ZDHHC2: variants seen among roughly 807,000 people sequenced by gnomAD.
ZDHHC2 encodes zDHHC palmitoyltransferase 2.
In ZDHHC2, 51 loss-of-function variants were observed where a neutral mutation model predicts 55.6. The observed-to-expected ratio is 0.92, with a 90% confidence interval of 0.73 to 1.16. ZDHHC2 has a LOEUF of 1.16. Among genes scored for constraint, ZDHHC2 ranks in the 50% most tolerant of loss-of-function variants. The pLI, the probability that ZDHHC2 is intolerant of heterozygous loss-of-function variation, is 0.00. For synonymous variants in ZDHHC2, 199 were observed against 152.9 expected (o/e 1.30, Z -2.22); for missense variants, 491 against 442.4 (o/e 1.11, Z -0.99).
At chr8:17,172,423 G>A (rs1284243883) in intron 1 of ZDHHC2, among the ~76,000 whole-genome samples, 1 of 152,184 alleles carries the variant, frequency 6.6e-6, no homozygotes, top group Non-Finnish European at 1.5e-5. Context: ...GCCAGGGGCT[G>A]AAGGGAGAAG....
At chr8:17,199,505 C>CG (rs1239457312) in intron 6 of ZDHHC2, among the ~76,000 whole-genome samples, 2 of 36,830 alleles carry the variant, frequency 5.4e-5, no homozygotes, top group Non-Finnish European at 1.5e-4. Flanking sequence ...TCTTCTTCTT[C>CG]TTCTTCTTCG....
chr8:17,157,185 G>A (rs1424700358), intron 1 of ZDHHC2, among the ~76,000 whole-genome samples: 4 of 152,166 alleles, frequency 2.6e-5, no homozygotes, highest in Non-Finnish European at 5.9e-5. Flanking sequence ...GGAGAGGGGA[G>A]GCCGAGGCCG....
At chr8:17,191,387 G>T (rs1806019481) in intron 3 of ZDHHC2, among the ~76,000 whole-genome samples, 1 of 152,182 alleles carries the variant, frequency 6.6e-6, no homozygotes, top group African/African-American at 2.4e-5. Flanking sequence ...ATAAGCCACT[G>T]CGCCCAGCCT....
At position 17,194,851 on chromosome 8, in the gene ZDHHC2, C is replaced by T. The variant is rs949746883; in HGVS notation, c.253-653C>T. Among the ~76,000 whole-genome samples the T allele has an allele frequency of 3.3e-5, 5 of 151,986 alleles. No homozygotes were observed. In the South Asian group the frequency reaches 6.2e-4, roughly 19 times the overall value. ...CAATGATACTGAGATTTTTCTTGTA[C>T]ATGTCTCCTGGCGCACATTTATAGA... On this transcript the variant is annotated intron_variant, in intron 3 of 12. Coordinates refer to ENST00000262096, the MANE Select transcript of ZDHHC2 (RefSeq NM_016353.5).
intron 6 of ZDHHC2, among the ~76,000 whole-genome samples, chr8:17,202,696 A>ATTCCC: frequency 6.6e-6 from 1 of 151,102 alleles, no homozygotes; most frequent in South Asian, 2.1e-4. Flanking sequence ...ATTATTCAAA[A>ATTCCC]TAAATGTCAC....
At chr8:17,163,086 A>G (rs1347652708) in intron 1 of ZDHHC2, among the ~76,000 whole-genome samples, 1 of 152,200 alleles carries the variant, frequency 6.6e-6, no homozygotes, top group Non-Finnish European at 1.5e-5. Flanking sequence ...TGTGGGTGAA[A>G]CTGGGCATGA....
intron 1 of ZDHHC2, among the ~76,000 whole-genome samples, chr8:17,167,828 A>G (rs1232656224): frequency 6.6e-6 from 1 of 152,088 alleles, no homozygotes; most frequent in Non-Finnish European, 1.5e-5. Flanking sequence ...TTGCCCCAGT[A>G]TACTTATAAA....
At chr8:17,199,860 A>C (rs1167842149) in intron 6 of ZDHHC2, among the ~76,000 whole-genome samples, 1 of 150,902 alleles carries the variant, frequency 6.6e-6, no homozygotes, top group Non-Finnish European at 1.5e-5. Flanking sequence ...CCCGGGTTCA[A>C]GCGATTCTCC....
At chr8:17,169,752 G>T (rs2705187) in intron 1 of ZDHHC2, among the ~76,000 whole-genome samples, 149,244 of 152,264 alleles carry the variant, frequency 0.98, 73,224 homozygotes, top group East Asian at 1. Flanking sequence ...TACATAAAAT[G>T]AGGGGAGAGA....
intron 11 of ZDHHC2, 29 bp from the exon 12 acceptor site, chr8:17,217,143 A>G (rs1024838365): frequency 1.2e-6 from 2 of 1,606,030 alleles, no homozygotes; most frequent in Non-Finnish European, 1.7e-6. Flanking sequence ...AAAGCAACCA[A>G]AAATGCTAAC....
intron 1 of ZDHHC2, 97 bp downstream of exon 1, chr8:17,156,950 G>T: frequency 2.5e-6 from 3 of 1,186,878 alleles, no homozygotes; most frequent in Non-Finnish European, 3.3e-6. Context: ...CCCCCCGGAT[G>T]CGCCCCGGGC....
At chr8:17,220,036 T>A (rs1807846516) in intron 12 of ZDHHC2, among the ~76,000 whole-genome samples, 1 of 151,634 alleles carries the variant, frequency 6.6e-6, no homozygotes, top group South Asian at 2.1e-4. Flanking sequence ...GTCTGCAATT[T>A]TTTTTTTTGC....
intron 1 of ZDHHC2, among the ~76,000 whole-genome samples, chr8:17,168,845 G>T (rs1804726777): frequency 6.6e-6 from 1 of 152,110 alleles, no homozygotes; most frequent in Admixed American, 6.5e-5. Context: ...AAGTTCACCT[G>T]TGTTGTAGTA....
At chr8:17,157,518 GTT>G (rs1367323337) in intron 1 of ZDHHC2, 1 of 152,248 alleles carries the variant, frequency 6.6e-6, no homozygotes, top group Non-Finnish European at 1.5e-5. Flanking sequence ...ATCGTCTGAG[GTT>G]TTTACATCCA....
chr8:17,192,323 G>A (rs1806076461), intron 3 of ZDHHC2, among the ~76,000 whole-genome samples: 1 of 152,250 alleles, frequency 6.6e-6, no homozygotes, highest in South Asian at 2.1e-4. Flanking sequence ...TTGAACTGGG[G>A]TACGATGATA....
intron 1 of ZDHHC2, among the ~76,000 whole-genome samples, chr8:17,170,880 T>C (rs948800862): frequency 6.6e-6 from 1 of 152,216 alleles, no homozygotes; most frequent in Non-Finnish European, 1.5e-5. Flanking sequence ...TCCACACATA[T>C]ATAAGAAAGT....
intron 10 of ZDHHC2, among the ~76,000 whole-genome samples, chr8:17,211,685 T>A (rs1431804959): frequency 1.3e-5 from 2 of 152,038 alleles, no homozygotes; most frequent in Non-Finnish European, 2.9e-5. Context: ...AGATGAAAGG[T>A]ATTTGTCACC....
intron 12 of ZDHHC2, among the ~76,000 whole-genome samples, chr8:17,217,959 A>T (rs748218910): frequency 6.6e-6 from 1 of 152,242 alleles, no homozygotes; most frequent in African/African-American, 2.4e-5. Flanking sequence ...CTCTCTTTAC[A>T]TAACGGCAAT....
Position 17,220,998 on chromosome 8 carries a change from G to C in ZDHHC2, c.*777G>C, listed in dbSNP as rs1007305872. 2 of 152,164 alleles carry C rather than the reference G, an allele frequency of 1.3e-5. No individual in the cohort carries two copies. Among genetic ancestry groups the C allele is most frequent in the African/African-American group, 4.8e-5 (2 of 41,430 alleles). The allele number at this position is 152,164 out of a possible 1,614,324, so 9.4% of individuals were successfully genotyped here. On this transcript the variant is annotated 3_prime_UTR_variant, in exon 13 of 13. Coordinates refer to ENST00000262096, the MANE Select transcript of ZDHHC2 (RefSeq NM_016353.5). ...GGAGGAAATTTATGATAGCAATTAT[G>C]AAGATTGTTTTATGACATTCTTTTG...
Sources: allele counts gnomAD v4.1 joint callset (sites outside exome capture counted in the v4.1 genomes callset), GRCh38; gene constraint gnomAD v4.1.1; transcripts MANE v1.5; gene names NCBI Gene and HGNC (gene_info 2026-07-23, HGNC 2026-07-21).